ERN1: variants seen among roughly 807,000 people sequenced by gnomAD.
The protein encoded by ERN1 is endoplasmic reticulum to nucleus signaling 1.
A neutral mutation model predicts 113.1 loss-of-function variants in ERN1; 39 were observed. That is an observed-to-expected ratio of 0.34 (90% CI 0.27 to 0.45). ERN1 has a LOEUF of 0.45. Ranked by LOEUF, ERN1 falls within the 20% of genes least tolerant of loss-of-function variation. ERN1 has a pLI of 1.00. For missense variants in ERN1, 976 were observed against 1,274.8 expected, an observed-to-expected ratio of 0.77 and a Z score of 3.57; for synonymous variants, 507 against 515.9, an observed-to-expected ratio of 0.98 and a Z score of 0.23.
intron 1 of ERN1, among the ~76,000 whole-genome samples, chr17:64,127,020 T>C (rs1042899923): frequency 6.6e-6 from 1 of 152,174 alleles, no homozygotes; most frequent in Admixed American, 6.5e-5. Flanking sequence ...CTGACAGTGA[T>C]GATGTAACCC....
chr17:64,044,317 TAAAGA>T lies in ERN1; in HGVS notation c.2722-122_2722-118del, dbSNP rs957375745. 5.5e-6 allele frequency: 4 copies of T among 721,038 alleles called. No individual in the cohort carries two copies. The African/African-American group carries it at 7.3e-5, about 13-fold the overall frequency. The allele number at this position is 721,038 out of a possible 1,614,324, so 44.7% of individuals were successfully genotyped here. A position where few individuals can be genotyped will look rare whatever the true frequency, so the allele number is the denominator to read the frequency against. On this transcript the variant is annotated intron_variant, in intron 21 of 21. Coordinates refer to ENST00000433197, the MANE Select transcript of ERN1 (RefSeq NM_001433.5). The surrounding 1 kb of genome is among the most constrained non-coding windows in gnomAD (Gnocchi z 4.1). Reference sequence around the variant, plus strand: ...ACAGAATGTGAGTGTTGGTTTTTGGTAAAGAAAAAGAAAAAAGGCTTATGTATCCA... The same window carrying T: ...ACAGAATGTGAGTGTTGGTTTTTGGTAAAAGAAAAAAGGCTTATGTATCCA...
At position 64,039,617 on chromosome 17, in the gene ERN1, T is replaced by C. The variant is rs1244400346; in HGVS notation, c.*4371A>G. The C allele has an allele frequency of 1.3e-5, 2 of 152,214 alleles. No homozygotes were observed. Among genetic ancestry groups the C allele is most frequent in the African/African-American group, 4.8e-5 (2 of 41,438 alleles). 9.4% of individuals were successfully genotyped at this position (152,214 alleles called of 1,614,324 possible). On this transcript the variant is annotated 3_prime_UTR_variant, in exon 22 of 22. Transcript: ENST00000433197. The stretch of plus-strand genomic sequence containing the variant: ...GCAAGTACAATTGTAACTGGATACA[T>C]TTCAGAGTAAAAATTAAATAAATAT...
intron 6 of ERN1, among the ~76,000 whole-genome samples, chr17:64,071,191 T>C (rs1913403211): frequency 6.6e-6 from 1 of 152,170 alleles, no homozygotes; most frequent in South Asian, 2.1e-4. Flanking sequence ...AACTGCTACG[T>C]GTGCCCCTAG....
chr17:64,111,903 G>A (rs1247614726), intron 1 of ERN1, among the ~76,000 whole-genome samples: 2 of 152,142 alleles, frequency 1.3e-5, no homozygotes, highest in South Asian at 2.1e-4. Flanking sequence ...AAATCATCAG[G>A]AAGTAAACCA....
intron 11 of ERN1, among the ~76,000 whole-genome samples, chr17:64,058,299 C>T (rs922115198): frequency 2.6e-5 from 4 of 152,156 alleles, no homozygotes; most frequent in African/African-American, 9.7e-5. Context: ...AAAAGGCAAA[C>T]ACTTCCTCCT....
chr17:64,129,918 C>G (rs911978033), intron 1 of ERN1, 58 bp downstream of exon 1: 30 of 1,345,370 alleles, frequency 2.2e-5, no homozygotes, highest in Non-Finnish European at 2.9e-5. Flanking sequence ...CGACGCTGCC[C>G]CGGCCCCGAC....
chr17:64,124,427 C>T (rs1335946308), intron 1 of ERN1, among the ~76,000 whole-genome samples: 1 of 152,182 alleles, frequency 6.6e-6, no homozygotes, highest in Non-Finnish European at 1.5e-5. Context: ...TCCCACTATT[C>T]CCATGTGCTG....
At chr17:64,046,024 C>T (rs1912502785) in intron 19 of ERN1, among the ~76,000 whole-genome samples, 1 of 152,120 alleles carries the variant, frequency 6.6e-6, no homozygotes, top group South Asian at 2.1e-4. Flanking sequence ...GGGATTCAAA[C>T]CTTGCTCTGC....
At position 64,043,157 on chromosome 17, in the gene ERN1, G is replaced by A. The variant is rs1478573139; in HGVS notation, c.*831C>T. The A allele has an allele frequency of 6.6e-6, 1 of 152,466 alleles. No individual in the cohort carries two copies. The allele number at this position is 152,466 out of a possible 1,614,324, so 9.4% of individuals were successfully genotyped here. On this transcript the variant is annotated 3_prime_UTR_variant, in exon 22 of 22. Coordinates refer to ENST00000433197, the MANE Select transcript of ERN1 (RefSeq NM_001433.5). ...CCTCTGGTCCTGAAGGCTGGCCCCTGTCTGGGTCTTCGCTGCTCTCCTTGA... is the reference window on the plus strand; with the variant it reads ...CCTCTGGTCCTGAAGGCTGGCCCCTATCTGGGTCTTCGCTGCTCTCCTTGA...
chr17:64,070,078 G>T (rs1001737670), intron 6 of ERN1, among the ~76,000 whole-genome samples: 1 of 152,146 alleles, frequency 6.6e-6, no homozygotes, highest in Non-Finnish European at 1.5e-5. Flanking sequence ...GTGGAAGGAA[G>T]GTTCTGGAAC....
At chr17:64,055,321 C>A (rs1912824989) in intron 13 of ERN1, among the ~76,000 whole-genome samples, 1 of 152,220 alleles carries the variant, frequency 6.6e-6, no homozygotes, top group Admixed American at 6.5e-5. Flanking sequence ...CTGGCTTGAG[C>A]CAACTTCCAC....
chr17:64,074,471 G>T (rs1913525829), intron 5 of ERN1, among the ~76,000 whole-genome samples: 1 of 152,160 alleles, frequency 6.6e-6, no homozygotes, highest in Non-Finnish European at 1.5e-5. Flanking sequence ...GAGTCTCAGT[G>T]TCCTGAGCAA....
intron 1 of ERN1, chr17:64,129,664 T>C (rs1321282467): frequency 4.3e-5 from 16 of 371,694 alleles, no homozygotes; most frequent in Non-Finnish European, 7.7e-5. Flanking sequence ...CCAAGTGCCG[T>C]GCAGGACGCC....
intron 19 of ERN1, among the ~76,000 whole-genome samples, chr17:64,047,581 A>T (rs1413202610): frequency 6.6e-6 from 1 of 152,232 alleles, no homozygotes; most frequent in African/African-American, 2.4e-5. Flanking sequence ...TGGCACATCC[A>T]TATGATAGAA....
chr17:64,097,063 G>A (rs1311418036), intron 2 of ERN1, among the ~76,000 whole-genome samples: 1 of 152,214 alleles, frequency 6.6e-6, no homozygotes, highest in African/African-American at 2.4e-5. Flanking sequence ...TGGAGATACA[G>A]TACAGATGAT....
rs73992927 is a variant in ERN1 at position 64,101,673 on chromosome 17, A to G, written c.55-3432T>C. ...ATAGTAGGCAAGTCAACCACCTTTG[A>G]TCATTAATCTCCACCAAACAAGGGA... On this transcript the variant is annotated intron_variant, in intron 1 of 21. Transcript: ENST00000433197. Among the ~76,000 whole-genome samples the G allele has an allele frequency of 4.6e-5, 7 of 152,244 alleles. No individual in the cohort carries two copies. In the South Asian group the frequency reaches 1.2e-3, roughly 27 times the overall value.
chr17:64,064,147 CG>C lies in ERN1; in HGVS notation c.925del (p.Arg309AlafsTer25). 1 of 1,594,618 alleles carries C rather than the reference CG, an allele frequency of 6.3e-7. No individual in the cohort carries two copies. The highest frequency in any genetic ancestry group is 8.5e-7 in the Non-Finnish European group (1 of 1,170,364). ...TTCCAGCAAAGGAAGTGTGCTGCCG[CG>C]GGGCTGTGGAGAGGGTGCAGTGAGG... ...MVHEGVAVVP[R>X]GSTLPLLEGP... On this transcript the variant is annotated frameshift_variant, in exon 10 of 22. Coordinates refer to ENST00000433197, the MANE Select transcript of ERN1 (RefSeq NM_001433.5). LOFTEE classifies it high-confidence loss of function.
At chr17:64,047,821 A>G in intron 19 of ERN1, 37 bp downstream of exon 19, 1 of 1,518,098 alleles carries the variant, frequency 6.6e-7, no homozygotes, top group South Asian at 1.3e-5. Context: ...AAAAACATTA[A>G]ATGAAGACTC....
intron 4 of ERN1, among the ~76,000 whole-genome samples, chr17:64,075,951 G>A (rs1913579605): frequency 6.6e-6 from 1 of 152,176 alleles, no homozygotes; most frequent in Non-Finnish European, 1.5e-5. Context: ...CGCCATTACA[G>A]GGGCAACACA....
Sources: allele counts gnomAD v4.1 joint callset (sites outside exome capture counted in the v4.1 genomes callset), GRCh38; gene constraint gnomAD v4.1.1; non-coding constraint Gnocchi (gnomAD v3.1); transcripts MANE v1.5; gene names NCBI Gene and HGNC (gene_info 2026-07-23, HGNC 2026-07-21).